The following SH3GL2 variants were observed in gnomAD, a reference collection of about 807,000 sequenced individuals.
SH3GL2 encodes SH3 domain containing GRB2 like 2, endophilin A1, also known as endophilin-A1.
A neutral mutation model predicts 46.0 loss-of-function variants in SH3GL2; 24 were observed. The ratio of observed to expected loss-of-function variants is 0.52; its 90% CI spans 0.38 to 0.73. The LOEUF (loss-of-function observed/expected upper bound fraction) is 0.73, where lower values mean the gene tolerates loss of function less well. Ranked by LOEUF, SH3GL2 falls within the 30% of genes least tolerant of loss-of-function variation. The pLI, the probability that SH3GL2 is intolerant of heterozygous loss-of-function variation, is 0.00. For missense variants in SH3GL2, 413 were observed against 424.2 expected, an observed-to-expected ratio of 0.97 and a Z score of 0.23; for synonymous variants, 196 against 147.1, an observed-to-expected ratio of 1.33 and a Z score of -2.40.
chr9:17,580,184 CT>C (rs535953818), intron 1 of SH3GL2, among the ~76,000 whole-genome samples: 50 of 152,272 alleles, frequency 3.3e-4, no homozygotes, highest in African/African-American at 1.2e-3. Flanking sequence ...GTGATTACTA[CT>C]TTTTTATCCT....
intron 2 of SH3GL2, among the ~76,000 whole-genome samples, chr9:17,759,551 C>T (rs1375282626): frequency 3.3e-5 from 5 of 152,102 alleles, no homozygotes; most frequent in Non-Finnish European, 7.4e-5. Flanking sequence ...TTTCTTAACC[C>T]CTCTGTATCT....
intron 2 of SH3GL2, among the ~76,000 whole-genome samples, chr9:17,760,042 A>G (rs954592945): frequency 2.0e-5 from 3 of 152,170 alleles, no homozygotes; most frequent in Admixed American, 1.3e-4. Flanking sequence ...GGACCTTCAC[A>G]TATGGCTTCA....
chr9:17,778,137 G>A lies in SH3GL2; in HGVS notation c.188-8244G>A, dbSNP rs1054123310. Reference sequence around the variant, plus strand: ...GAATAGTTCCATAAGTGCCAGGCACGGTGCTGGATACTCTAAAACATCATT... The same window carrying A: ...GAATAGTTCCATAAGTGCCAGGCACAGTGCTGGATACTCTAAAACATCATT... On this transcript the variant is annotated intron_variant, in intron 3 of 8. Coordinates refer to ENST00000380607, the MANE Select transcript of SH3GL2 (RefSeq NM_003026.5). Among the ~76,000 whole-genome samples, 14 of 152,226 alleles carry A rather than the reference G, an allele frequency of 9.2e-5. No individual in the cohort carries two copies. The East Asian group carries it at 1.7e-3, about 19-fold the overall frequency.
At chr9:17,651,447 G>T (rs539781480) in intron 1 of SH3GL2, among the ~76,000 whole-genome samples, 1 of 152,140 alleles carries the variant, frequency 6.6e-6, no homozygotes, top group Non-Finnish European at 1.5e-5. Context: ...ATTCCAAGAT[G>T]TATTGTTTTT....
Position 17,782,254 on chromosome 9 carries a change from G to T in SH3GL2, c.188-4127G>T, listed in dbSNP as rs971869810. Among the ~76,000 whole-genome samples, 3 of 151,964 alleles carry T rather than the reference G, an allele frequency of 2.0e-5. No individual in the cohort carries two copies. In the East Asian group the frequency reaches 5.8e-4, roughly 29 times the overall value. ...TCCTTGGTGTGGGACTCGTGATTTG[G>T]TGTAGGACTCATGATTTAGCTTGGG... On this transcript the variant is annotated intron_variant, in intron 3 of 8. Transcript: ENST00000380607.
At chr9:17,584,591 T>G (rs1431490592) in intron 1 of SH3GL2, among the ~76,000 whole-genome samples, 2 of 152,222 alleles carry the variant, frequency 1.3e-5, no homozygotes, top group Non-Finnish European at 2.9e-5. Flanking sequence ...TTACTGGGCT[T>G]TAGGATGCCT....
intron 6 of SH3GL2, among the ~76,000 whole-genome samples, chr9:17,790,034 G>T (rs1824078390): frequency 6.6e-6 from 1 of 152,282 alleles, no homozygotes; most frequent in South Asian, 2.1e-4. Context: ...AGAGGCCTGA[G>T]AACTCAGTTG....
intron 1 of SH3GL2, among the ~76,000 whole-genome samples, chr9:17,621,852 C>T (rs145970314): frequency 7.4e-4 from 113 of 152,320 alleles, no homozygotes; most frequent in African/African-American, 2.6e-3. Flanking sequence ...CTCTTTTGCA[C>T]TTGCAGTATG....
At chr9:17,643,232 T>A (rs1819728919) in intron 1 of SH3GL2, among the ~76,000 whole-genome samples, 1 of 152,230 alleles carries the variant, frequency 6.6e-6, no homozygotes, top group Admixed American at 6.5e-5. Flanking sequence ...TTTTGCACAT[T>A]GATTTTGTAC....
intron 1 of SH3GL2, among the ~76,000 whole-genome samples, chr9:17,719,250 C>T (rs536140655): frequency 6.6e-6 from 1 of 152,210 alleles, no homozygotes; most frequent in East Asian, 1.9e-4. Context: ...TTACTTCTTT[C>T]CAAAGCGGTT....
intron 1 of SH3GL2, among the ~76,000 whole-genome samples, chr9:17,622,795 C>T (rs1819173370): frequency 6.6e-6 from 1 of 152,040 alleles, no homozygotes; most frequent in Admixed American, 6.6e-5. Flanking sequence ...CTGAGCCTCA[C>T]CTTTTGGTCA....
chr9:17,675,282 A>T (rs1324320470), intron 1 of SH3GL2, among the ~76,000 whole-genome samples: 1 of 152,126 alleles, frequency 6.6e-6, no homozygotes, highest in Non-Finnish European at 1.5e-5. Context: ...GCGGGTTTTA[A>T]TTCAGGACTT....
rs1432219011 is a variant in SH3GL2, at chr9:17,624,999, C to T, written c.45+45712C>T. On this transcript the variant is annotated intron_variant, in intron 1 of 8. Coordinates refer to ENST00000380607, the MANE Select transcript of SH3GL2 (RefSeq NM_003026.5). ...GAGTGTGAGTGAGATGAAAATTGTT[C>T]TTCTATTTAATTTGTTTGTAAACCT... Among the ~76,000 whole-genome samples the T allele has an allele frequency of 2.6e-5, 4 of 152,054 alleles. No individual in the cohort carries two copies. The East Asian group carries it at 7.7e-4, about 29-fold the overall frequency.
chr9:17,783,186 C>T (rs1372591338), intron 3 of SH3GL2, among the ~76,000 whole-genome samples: 1 of 152,056 alleles, frequency 6.6e-6, no homozygotes, highest in Non-Finnish European at 1.5e-5. Context: ...CAGGGATTCA[C>T]AGCTAACTAG....
chr9:17,787,581 T>C lies in SH3GL2; in HGVS notation c.465+68T>C, dbSNP rs74396573. 3,870 of 1,349,898 alleles carry C rather than the reference T, an allele frequency of 2.9e-3. 100 individuals carry two copies. In the African/African-American group the frequency reaches 0.047, roughly 16 times the overall value. The allele number at this position is 1,349,898 out of a possible 1,614,324, so 83.6% of individuals were successfully genotyped here. ...TACAGATGCAGATGCCTTTTTTCTT[T>C]AGAAAACATTTTTTTAGCTTACCCT... On this transcript the variant is annotated intron_variant, in intron 5 of 8. Coordinates refer to ENST00000380607, the MANE Select transcript of SH3GL2 (RefSeq NM_003026.5).
At chr9:17,632,101 A>G (rs943684148) in intron 1 of SH3GL2, among the ~76,000 whole-genome samples, 36 of 152,132 alleles carry the variant, frequency 2.4e-4, no homozygotes, top group Non-Finnish European at 1.0e-4. Flanking sequence ...TTGGGGGAAA[A>G]ATCAATAATT....
At chr9:17,716,463 C>T (rs1309855273) in intron 1 of SH3GL2, among the ~76,000 whole-genome samples, 1 of 152,114 alleles carries the variant, frequency 6.6e-6, no homozygotes, top group Non-Finnish European at 1.5e-5. Flanking sequence ...GAGATGAGAC[C>T]TCTGAATTCT....
In SH3GL2 at chr9:17,789,417, G is replaced by A; in HGVS notation, c.491G>A (p.Arg164Gln). The change falls in exon 6 of 9, where the codon CGA (arginine) becomes CAA (glutamine). Residue 164 changes from arginine (R) to glutamine (Q), a missense_variant. Physicochemically the swap from Arg to Gln is conservative, Grantham distance 43. Coordinates refer to ENST00000380607, the MANE Select transcript of SH3GL2 (RefSeq NM_003026.5). ...IQHHLKKLEG[R>Q]RLDFDYKKKR... ...CATCATCTAAAGAAGTTGGAGGGTC[G>A]ACGCCTGGATTTTGATTATAAGAAG... 2 of 1,613,308 alleles carry A rather than the reference G, an allele frequency of 1.2e-6. No individual in the cohort carries two copies. The highest frequency in any genetic ancestry group is 1.3e-5 in the African/African-American group (1 of 74,968).
At chr9:17,710,251 G>A (rs1397343079) in intron 1 of SH3GL2, among the ~76,000 whole-genome samples, 2 of 151,956 alleles carry the variant, frequency 1.3e-5, no homozygotes, top group Non-Finnish European at 1.5e-5. Context: ...AGAAGGATGT[G>A]TTTGCATCCC....
Sources: gnomAD v4.1 joint callset for allele counts (sites outside exome capture counted in the v4.1 genomes callset) on GRCh38, gnomAD v4.1.1 for gene constraint, MANE v1.5 for transcripts, NCBI Gene and HGNC (gene_info 2026-07-23, HGNC 2026-07-21) for gene names.